Variants in RC3H1 observed in about 807,000 individuals in gnomAD.
RC3H1 encodes the protein ring finger and CCCH-type domains 1, also known as roquin-1.
In RC3H1, 50 loss-of-function variants were observed where a neutral mutation model predicts 138.2. That is an observed-to-expected ratio of 0.36 (90% confidence interval 0.29 to 0.46). The LOEUF (loss-of-function observed/expected upper bound fraction) is 0.46, where lower values mean the gene tolerates loss of function less well. Among genes scored for constraint, RC3H1 ranks in the 20% least tolerant of loss-of-function variants. The probability of loss-of-function intolerance (pLI) is 1.00; values close to 1 mark genes in which losing one functional copy is unlikely to be tolerated. For synonymous variants in RC3H1, 462 were observed against 489.1 expected (o/e 0.94, Z 0.73); for missense variants, 1,031 against 1,388.1 (o/e 0.74, Z 4.09).
chr1:174,017,179 A>G (rs1379895817), intron 1 of RC3H1, among the ~76,000 whole-genome samples: 3 of 152,240 alleles, frequency 2.0e-5, no homozygotes, highest in African/African-American at 7.2e-5. Context: ...AGTTTCTTCT[A>G]TACATTAAGA....
At chr1:173,958,848 C>T (rs968329819) in intron 13 of RC3H1, among the ~76,000 whole-genome samples, 1 of 151,082 alleles carries the variant, frequency 6.6e-6, no homozygotes, top group African/African-American at 2.4e-5. Flanking sequence ...TCTATATTTA[C>T]CTGTTTTTTC....
At position 173,938,650 on chromosome 1, in the gene RC3H1, T is replaced by A; in HGVS notation, c.*71A>T. 1 of 1,171,670 alleles carries A rather than the reference T, an allele frequency of 8.5e-7. No homozygotes were observed. Among genetic ancestry groups the A allele is most frequent in the Non-Finnish European group, 1.2e-6 (1 of 851,468 alleles). The allele number at this position is 1,171,670 out of a possible 1,614,324, so 72.6% of individuals were successfully genotyped here. ...CTCTTAAGAGAAAAAGTTTAGAAGT[T>A]ATGCGTTCTCCTACCCCTATGCCCG... On this transcript the variant is annotated 3_prime_UTR_variant, in exon 20 of 20. Coordinates refer to ENST00000367696, the MANE Select transcript of RC3H1 (RefSeq NM_172071.4).
In RC3H1 at chr1:173,936,706, G is replaced by A. The variant is rs1178622882; in HGVS notation, c.*2015C>T. The A allele has an allele frequency of 2.6e-5, 1 of 38,226 alleles. No homozygotes were observed. Among genetic ancestry groups the A allele is most frequent in the Non-Finnish European group, 4.3e-5 (1 of 23,128 alleles). The allele number at this position is 38,226 out of a possible 1,614,324, so 2.4% of individuals were successfully genotyped here. A position where few individuals can be genotyped will look rare whatever the true frequency, so the allele number is the denominator to read the frequency against. On this transcript the variant is annotated 3_prime_UTR_variant, in exon 20 of 20. Transcript: ENST00000367696. ...AGTAAAAGTCAAAAAGCAAACAAAAGCCAAAAAAAAAAGAAAAAGCATACA... is the reference window on the plus strand; with the variant it reads ...AGTAAAAGTCAAAAAGCAAACAAAAACCAAAAAAAAAAGAAAAAGCATACA...
chr1:173,970,411 T>G (rs1266633618), intron 9 of RC3H1, 94 bp downstream of exon 9: 1 of 814,572 alleles, frequency 1.2e-6, no homozygotes, highest in Non-Finnish European at 2.1e-6. Context: ...TCCTATTCAT[T>G]TAAGATAAAG....
At position 173,984,536 on chromosome 1, in the gene RC3H1, T is replaced by C; in HGVS notation, c.315A>G (p.Glu105=). ...TGAGCGGTTTTAAGTACAATGCTAA[T>C]TCTTCTACACATTTCTTGGCTTCCT... The part of the protein sequence containing the change: ...HYEEAKKCVE[E]LALYLKPLSS... The change falls in exon 3 of 20, where the codon GAA becomes GAG. Residue 105 remains glutamate, a synonymous_variant. Coordinates refer to ENST00000367696, the MANE Select transcript of RC3H1 (RefSeq NM_172071.4). The C allele has an allele frequency of 1.2e-6, 2 of 1,614,056 alleles. No individual in the cohort carries two copies. The highest frequency in any genetic ancestry group is 8.5e-7 in the Non-Finnish European group (1 of 1,179,960).
At chr1:174,003,520 C>T (rs1435503353) in intron 1 of RC3H1, among the ~76,000 whole-genome samples, 1 of 151,924 alleles carries the variant, frequency 6.6e-6, no homozygotes, top group Non-Finnish European at 1.5e-5. Context: ...TTCTTAAAAC[C>T]TTCTTATCCA....
chr1:173,953,776 C>T (rs960346494), intron 13 of RC3H1, among the ~76,000 whole-genome samples: 7 of 152,054 alleles, frequency 4.6e-5, no homozygotes, highest in East Asian at 1.9e-4. Flanking sequence ...AGGTGGCTCA[C>T]GCCTGCAATC....
chr1:173,980,278 TG>T (rs1283861460), intron 6 of RC3H1, among the ~76,000 whole-genome samples: 3 of 127,812 alleles, frequency 2.3e-5, no homozygotes, highest in Admixed American at 7.8e-5. Context: ...AAAAAAAAGG[TG>T]GGGGGGAATA....
intron 17 of RC3H1, 61 bp from the exon 18 acceptor site, chr1:173,943,676 C>A: frequency 6.7e-7 from 1 of 1,496,402 alleles, no homozygotes; most frequent in Non-Finnish European, 9.0e-7. Flanking sequence ...CACAGAATAA[C>A]CAGGCTCAAT....
Position 173,935,436 on chromosome 1 carries a change from T to C in RC3H1, c.*3285A>G, listed in dbSNP as rs377048294. 17 of 152,290 alleles carry C rather than the reference T, an allele frequency of 1.1e-4. No homozygotes were observed. The highest frequency in any genetic ancestry group is 3.1e-4 in the African/African-American group (13 of 41,570). 9.4% of individuals were successfully genotyped at this position (152,290 alleles called of 1,614,324 possible). A position where few individuals can be genotyped will look rare whatever the true frequency, so the allele number is the denominator to read the frequency against. ...TACTCCTACCTTAACCCATTCAAAA[T>C]TGTTCATCTCAGATATCTGATTTTT... On this transcript the variant is annotated 3_prime_UTR_variant, in exon 20 of 20. Transcript: ENST00000367696.
intron 5 of RC3H1, 34 bp from the exon 6 acceptor site, chr1:173,981,043 A>C (rs930781633): frequency 1.3e-6 from 2 of 1,560,464 alleles, no homozygotes; most frequent in Non-Finnish European, 1.8e-6. Flanking sequence ...TAATGAAGTC[A>C]AAAAAATGAG....
At chr1:173,945,348 A>G in intron 17 of RC3H1, among the ~76,000 whole-genome samples, 1 of 151,900 alleles carries the variant, frequency 6.6e-6, no homozygotes, top group East Asian at 1.9e-4. Flanking sequence ...CTGGTCTCAA[A>G]CTCCTGAGCT....
intron 3 of RC3H1, 141 bp from the exon 4 acceptor site, chr1:173,983,798 C>T (rs1660915929): frequency 1.3e-6 from 1 of 769,700 alleles, no homozygotes; most frequent in Non-Finnish European, 2.1e-6. Context: ...CAAATAAAAC[C>T]ACACATGTAA....
chr1:173,967,825 T>C (rs1488688504), intron 9 of RC3H1, among the ~76,000 whole-genome samples: 2 of 152,226 alleles, frequency 1.3e-5, no homozygotes, highest in Non-Finnish European at 2.9e-5. Context: ...CCTTTATGGA[T>C]GCTGGGTTGC....
At chr1:173,984,395 C>G (rs1004439965) in intron 3 of RC3H1, 104 bp downstream of exon 3, 3 of 1,041,270 alleles carry the variant, frequency 2.9e-6, no homozygotes, top group Admixed American at 6.3e-5. Context: ...AAATTTACCT[C>G]TAGTTAGGTT....
At chr1:173,983,058 A>G (rs112463944) in intron 4 of RC3H1, 156 bp from the exon 5 acceptor site, 4 of 573,948 alleles carry the variant, frequency 7.0e-6, no homozygotes, top group Non-Finnish European at 1.2e-5. Context: ...CATTTTTGTG[A>G]GCAATTTTGT....
At chr1:173,953,710 A>G (rs1032971168) in intron 13 of RC3H1, among the ~76,000 whole-genome samples, 2 of 152,214 alleles carry the variant, frequency 1.3e-5, no homozygotes, top group African/African-American at 4.8e-5. Flanking sequence ...GACAGACATA[A>G]AACCAAGATG....
At chr1:174,017,477 A>G (rs2103112932) in intron 1 of RC3H1, among the ~76,000 whole-genome samples, 1 of 152,232 alleles carries the variant, frequency 6.6e-6, no homozygotes, top group African/African-American at 2.4e-5. Context: ...TTTTTCTGCA[A>G]TTTCAATTGT....
chr1:173,946,920 A>G lies in RC3H1; in HGVS notation c.2738-84T>C. On this transcript the variant is annotated intron_variant, in intron 15 of 19. Coordinates refer to ENST00000367696, the MANE Select transcript of RC3H1 (RefSeq NM_172071.4). ...TTCATAATCTGAAAGACATCAGCGT[A>G]TTGCATACACAGGTATCTGGTATCT... is the stretch of plus-strand genomic sequence containing the variant. 9.9e-6 allele frequency: 9 copies of G among 913,180 alleles called. No homozygotes were observed. The South Asian group carries it at 1.2e-4, about 13-fold the overall frequency. The allele number at this position is 913,180 out of a possible 1,614,324, so 56.6% of individuals were successfully genotyped here.
Sources: gnomAD v4.1 joint callset for allele counts (sites outside exome capture counted in the v4.1 genomes callset) on GRCh38, gnomAD v4.1.1 for gene constraint, MANE v1.5 for transcripts, NCBI Gene and HGNC (gene_info 2026-07-23, HGNC 2026-07-21) for gene names.